Variants in AUTS2 observed in about 807,000 individuals in gnomAD.
AUTS2 encodes the protein autism susceptibility gene 2 protein.
A neutral mutation model predicts 112.4 loss-of-function variants in AUTS2; 17 were observed. The observed-to-expected ratio is 0.15, with a 90% CI of 0.10 to 0.23. The LOEUF is 0.23. Ranked by LOEUF, AUTS2 falls within the 10% of genes least tolerant of loss-of-function variation. The probability of loss-of-function intolerance (pLI) is 1.00; values close to 1 mark genes in which losing one functional copy is unlikely to be tolerated. For missense variants in AUTS2, 1,510 were observed against 1,701.6 expected (o/e 0.89, Z 1.98); for synonymous variants, 751 against 702.7 (o/e 1.07, Z -1.09).
chr7:70,051,478 A>G (rs1023911113), intron 2 of AUTS2, among the ~76,000 whole-genome samples: 2 of 152,160 alleles, frequency 1.3e-5, no homozygotes, highest in African/African-American at 4.8e-5. Context: ...GCAGTTTGGG[A>G]GGCCGAGGCA....
At chr7:69,618,858 C>T (rs1793511699) in intron 1 of AUTS2, among the ~76,000 whole-genome samples, 1 of 152,052 alleles carries the variant, frequency 6.6e-6, no homozygotes, top group African/African-American at 2.4e-5. Flanking sequence ...GTTTTAGAGT[C>T]CAGGAGGCTC....
At chr7:69,904,248 G>A (rs1266198507) in intron 2 of AUTS2, among the ~76,000 whole-genome samples, 2 of 152,196 alleles carry the variant, frequency 1.3e-5, no homozygotes, top group East Asian at 3.8e-4. Context: ...CCAGAGGCTG[G>A]TCCCTTATTT....
At chr7:70,205,584 G>A (rs1213877305) in intron 4 of AUTS2, among the ~76,000 whole-genome samples, 1 of 152,208 alleles carries the variant, frequency 6.6e-6, no homozygotes, top group African/African-American at 2.4e-5. Context: ...GTAACATGCT[G>A]TAGAGGTTTG....
chr7:70,405,571 G>A (rs971006333), intron 4 of AUTS2, among the ~76,000 whole-genome samples: 1 of 152,196 alleles, frequency 6.6e-6, no homozygotes, highest in Non-Finnish European at 1.5e-5. Context: ...AAAGCATTTT[G>A]TGGCATGATA....
At chr7:69,872,695 G>A (rs1793552522) in intron 1 of AUTS2, among the ~76,000 whole-genome samples, 1 of 151,966 alleles carries the variant, frequency 6.6e-6, no homozygotes, top group African/African-American at 2.4e-5. Flanking sequence ...AACCACTACA[G>A]TGGTTGGTAG....
At chr7:70,632,378 T>G (rs986072622) in intron 5 of AUTS2, among the ~76,000 whole-genome samples, 2 of 152,082 alleles carry the variant, frequency 1.3e-5, no homozygotes, top group African/African-American at 4.8e-5. Flanking sequence ...AGGGAAGCCC[T>G]GCTGGTTTCT....
intron 4 of AUTS2, among the ~76,000 whole-genome samples, chr7:70,328,361 A>G (rs6974716): frequency 0.097 from 14,741 of 152,094 alleles, 755 homozygotes; most frequent in Admixed American, 0.14. Context: ...AGCTGGGACT[A>G]CAGATATGCA....
intron 4 of AUTS2, among the ~76,000 whole-genome samples, chr7:70,356,500 T>C (rs1792015508): frequency 6.6e-6 from 1 of 152,246 alleles, no homozygotes; most frequent in African/African-American, 2.4e-5. Context: ...AGATGGCTTT[T>C]ATTGCCAGTT....
chr7:70,455,514 G>A (rs17489408), intron 5 of AUTS2, among the ~76,000 whole-genome samples: 3,519 of 152,270 alleles, frequency 0.023, 81 homozygotes, highest in Admixed American at 0.075. Context: ...AGGAACGCGG[G>A]ACTTCCCAGC....
At position 70,229,526 on chromosome 7, in the gene AUTS2, A is replaced by G. The variant is rs567600582; in HGVS notation, c.660+94955A>G. Among the ~76,000 whole-genome samples, 66 of 152,252 alleles carry G rather than the reference A, an allele frequency of 4.3e-4. 1 individual carries two copies. In the Middle Eastern group the frequency reaches 0.01, roughly 24 times the overall value. On this transcript the variant is annotated intron_variant, in intron 4 of 18. Transcript: ENST00000342771. ...TTTTTCTTTGCCTTTCAACAGTTAT[A>G]TATGAAATGTGTAGATGTGGATCTC... is the stretch of plus-strand genomic sequence containing the variant.
intron 1 of AUTS2, among the ~76,000 whole-genome samples, chr7:69,717,551 T>C (rs1357559190): frequency 6.6e-6 from 1 of 152,216 alleles, no homozygotes; most frequent in Non-Finnish European, 1.5e-5. Flanking sequence ...GTGTGCTGTG[T>C]AGAGTATGGA....
At position 69,722,590 on chromosome 7, in the gene AUTS2, C is replaced by A. The variant is rs528718194; in HGVS notation, c.309+122628C>A. On this transcript the variant is annotated intron_variant, in intron 1 of 18. Transcript: ENST00000342771. ...GGCTCGAGTGATCCGCCTGCCTTGT[C>A]CCCGCAAAGTGCTGGGATTACAGGT... is the stretch of plus-strand genomic sequence containing the variant. Among the ~76,000 whole-genome samples the A allele has an allele frequency of 9.9e-5, 15 of 152,256 alleles. No individual in the cohort carries two copies. The South Asian group carries it at 2.9e-3, about 30-fold the overall frequency.
chr7:70,313,030 G>A (rs1050493345), intron 4 of AUTS2, among the ~76,000 whole-genome samples: 1 of 152,174 alleles, frequency 6.6e-6, no homozygotes, highest in African/African-American at 2.4e-5. Context: ...AAGAGAAATA[G>A]ATTTCTATTT....
intron 5 of AUTS2, among the ~76,000 whole-genome samples, chr7:70,603,077 A>G (rs1177279610): frequency 6.6e-6 from 1 of 152,250 alleles, no homozygotes; most frequent in East Asian, 1.9e-4. Flanking sequence ...ATATCTACGT[A>G]GAAGATTTCT....
rs530750532 is a variant in AUTS2 at position 70,385,734 on chromosome 7, G to A, written c.661-50018G>A. On this transcript the variant is annotated intron_variant, in intron 4 of 18. Coordinates refer to ENST00000342771, the MANE Select transcript of AUTS2 (RefSeq NM_015570.4). ...CTGGGCAACACTGTCTCTAAAAATA[G>A]AAAATAAAATAAAATTTTCCGGACC... Among the ~76,000 whole-genome samples, 8 of 152,170 alleles carry A rather than the reference G, an allele frequency of 5.3e-5. No homozygotes were observed. The South Asian group carries it at 1.7e-3, about 32-fold the overall frequency.
intron 1 of AUTS2, among the ~76,000 whole-genome samples, chr7:69,757,656 G>A (rs1787995599): frequency 2.0e-5 from 3 of 152,094 alleles, no homozygotes; most frequent in African/African-American, 2.4e-5. Context: ...TTCAGAAATT[G>A]TTACCCCCTC....
At chr7:70,774,135 C>G (rs1170757120) in intron 12 of AUTS2, 36 bp downstream of exon 12, 1 of 1,602,222 alleles carries the variant, frequency 6.2e-7, no homozygotes, top group African/African-American at 1.3e-5. Flanking sequence ...CAGGTAACAC[C>G]AGGGTGTGTG....
intron 5 of AUTS2, among the ~76,000 whole-genome samples, chr7:70,508,034 C>G (rs1316417677): frequency 7.2e-5 from 11 of 152,172 alleles, no homozygotes; most frequent in Non-Finnish European, 1.2e-4. Context: ...CAATCACACT[C>G]TCTCCAGCAC....
chr7:70,399,837 G>A (rs974019223), intron 4 of AUTS2, among the ~76,000 whole-genome samples: 6 of 152,194 alleles, frequency 3.9e-5, no homozygotes, highest in African/African-American at 1.2e-4. Context: ...ACAGCCCAGT[G>A]GAGGAGAGCA....
Sources: allele counts gnomAD v4.1 joint callset (sites outside exome capture counted in the v4.1 genomes callset), GRCh38; gene constraint gnomAD v4.1.1; transcripts MANE v1.5; gene names NCBI Gene and HGNC (gene_info 2026-07-23, HGNC 2026-07-21).